The following UBR1 variants were observed in gnomAD, a reference collection of about 807,000 sequenced individuals.
UBR1 encodes the protein ubiquitin protein ligase E3 component n-recognin 1, also known as E3 ubiquitin-protein ligase UBR1.
In UBR1, 102 loss-of-function variants were observed where a neutral mutation model predicts 242.1. That is an observed-to-expected ratio of 0.42 (90% CI 0.36 to 0.50). The LOEUF is 0.50. UBR1 is among the 20% of genes least tolerant of loss of function. The pLI is 0.01. For synonymous variants in UBR1, 675 were observed against 684.8 expected, an observed-to-expected ratio of 0.99 and a Z score of 0.22; for missense variants, 1,772 against 2,101.8, an observed-to-expected ratio of 0.84 and a Z score of 3.07.
At chr15:43,006,144 T>G (rs2032826549) in intron 30 of UBR1, among the ~76,000 whole-genome samples, 1 of 148,670 alleles carries the variant, frequency 6.7e-6, no homozygotes, top group African/African-American at 2.5e-5. Context: ...AGATTGAGGA[T>G]TTCAAATTCT....
intron 13 of UBR1, 46 bp downstream of exon 13, chr15:43,048,346 T>A (rs1397132185): frequency 6.7e-7 from 1 of 1,495,074 alleles, no homozygotes; most frequent in East Asian, 2.3e-5. Flanking sequence ...CGGTTCAATT[T>A]TTAAAAATAA....
chr15:43,040,960 C>T (rs3986260), intron 15 of UBR1, among the ~76,000 whole-genome samples: 126,493 of 151,976 alleles, frequency 0.83, 53,032 homozygotes, highest in Non-Finnish European at 0.89. Context: ...CTGGAGAGGA[C>T]GTGGAGAAAT....
intron 19 of UBR1, among the ~76,000 whole-genome samples, chr15:43,033,921 T>C (rs955030205): frequency 6.6e-6 from 1 of 152,048 alleles, no homozygotes; most frequent in Non-Finnish European, 1.5e-5. Flanking sequence ...CTGGTCAACA[T>C]GGTGAAACCT....
At chr15:43,000,866 C>T (rs1483796623) in intron 32 of UBR1, among the ~76,000 whole-genome samples, 1 of 152,048 alleles carries the variant, frequency 6.6e-6, no homozygotes, top group Non-Finnish European at 1.5e-5. Context: ...CAGAGTGTAG[C>T]TCTGTCGCCC....
intron 4 of UBR1, among the ~76,000 whole-genome samples, chr15:43,071,281 T>C (rs2033821595): frequency 6.6e-6 from 1 of 152,192 alleles, no homozygotes; most frequent in South Asian, 2.1e-4. Context: ...ACAGCTTGTT[T>C]CCCCAGATCC....
chr15:43,014,286 C>G (rs1008572474), intron 29 of UBR1, among the ~76,000 whole-genome samples: 2 of 152,258 alleles, frequency 1.3e-5, no homozygotes, highest in African/African-American at 2.4e-5. Context: ...GAGATTGCAG[C>G]CTCTGCCCAG....
chr15:42,945,465 C>T lies in UBR1; in HGVS notation c.5114G>A (p.Gly1705Asp), dbSNP rs766208664. 2 of 1,613,988 alleles carry T rather than the reference C, an allele frequency of 1.2e-6. No homozygotes were observed. The highest frequency in any genetic ancestry group is 1.7e-6 in the Non-Finnish European group (2 of 1,179,988). Residue 1705 changes from glycine to aspartate, a missense_variant, in exon 47 of 47, where the codon GGC (glycine) becomes GAC (aspartate). Around this residue, in one of 3 missense-constraint regions of UBR1, gnomAD observed 965 missense variants for 1,079.7 expected, o/e 0.89. Coordinates refer to ENST00000290650, the MANE Select transcript of UBR1 (RefSeq NM_174916.3). The stretch of plus-strand genomic sequence containing the variant: ...CTCACGAGATAAATGAAGGGGGTTG[C>T]CCCTCCTTTAGGGAAAAAAGAAAAA... Reference protein sequence around the residue: ...YGETDPGLKRGNPLHLSRERY... With the variant: ...YGETDPGLKRDNPLHLSRERY...
rs191559171 is a variant in UBR1, at chr15:43,047,076, C to T, written c.1668+85G>A. Reference sequence around the variant, plus strand: ...ACTATAAATAATAAAAACTTTACATCAAGGAAGCTGCAACATAAAACTATA... The same window carrying T: ...ACTATAAATAATAAAAACTTTACATTAAGGAAGCTGCAACATAAAACTATA... On this transcript the variant is annotated intron_variant, in intron 14 of 46. Transcript: ENST00000290650. The T allele has an allele frequency of 7.4e-5, 111 of 1,508,946 alleles. No homozygotes were observed. In the East Asian group the frequency reaches 2.4e-3, roughly 32 times the overall value. The allele number at this position is 1,508,946 out of a possible 1,614,324, so 93.5% of individuals were successfully genotyped here. A position where few individuals can be genotyped will look rare whatever the true frequency, so the allele number is the denominator to read the frequency against.
chr15:43,001,362 T>G (rs1269867950), intron 32 of UBR1, among the ~76,000 whole-genome samples: 1 of 152,212 alleles, frequency 6.6e-6, no homozygotes, highest in African/African-American at 2.4e-5. Flanking sequence ...TTGGCCAGGC[T>G]GGTCTCCAAC....
In UBR1 at chr15:43,048,491, C is replaced by T; in HGVS notation, c.1440G>A (p.Lys480=). Reference sequence around the variant, plus strand: ...TTGTGGGTTTGCTGATCAGGATATACCTATCGTTTCAAGAAAGAAAGAAAT... The same window carrying T: ...TTGTGGGTTTGCTGATCAGGATATATCTATCGTTTCAAGAAAGAAAGAAAT... ...GRVYAVICDL[K]YILISKPTIW... The change falls in exon 13 of 47, where the codon AAG becomes AAA. Residue 480 remains lysine (K), a splice_region_variant and synonymous_variant. Transcript: ENST00000290650. 6.2e-7 allele frequency: 1 copy of T among 1,606,486 alleles called. No homozygotes were observed. Among genetic ancestry groups the T allele is most frequent in the Non-Finnish European group, 8.5e-7 (1 of 1,173,778 alleles).
rs571427583 is a variant in UBR1, at chr15:43,075,151, A to C, written c.418-62T>G. On this transcript the variant is annotated intron_variant, in intron 3 of 46. Transcript: ENST00000290650. ...CATTTTACTAAGCATGAAGAATGAT[A>C]AAGATGACTCAAATAATAAATGCTC... 9.5e-5 allele frequency: 116 copies of C among 1,215,826 alleles called. 3 individuals are homozygous for C. Among genetic ancestry groups the C allele is most frequent in the South Asian group, 8.9e-4 (74 of 83,006 alleles). 75.3% of individuals were successfully genotyped at this position (1,215,826 alleles called of 1,614,324 possible).
intron 29 of UBR1, among the ~76,000 whole-genome samples, chr15:43,010,618 C>A (rs946445674): frequency 1.3e-5 from 2 of 152,018 alleles, no homozygotes; most frequent in Non-Finnish European, 2.9e-5. Context: ...AGGATTTGGG[C>A]TGGTGCTCAA....
At chr15:43,031,949 G>A (rs545478689) in intron 20 of UBR1, among the ~76,000 whole-genome samples, 1 of 152,092 alleles carries the variant, frequency 6.6e-6, no homozygotes, top group Non-Finnish European at 1.5e-5. Context: ...CAGAAGAATC[G>A]CTTGAATCCA....
chr15:43,089,872 A>G (rs2034087428), intron 1 of UBR1, among the ~76,000 whole-genome samples: 1 of 152,252 alleles, frequency 6.6e-6, no homozygotes. Flanking sequence ...CATGAAAACA[A>G]GGAAAGATCA....
chr15:43,025,878 T>C (rs2033171504), intron 23 of UBR1: 1 of 160,232 alleles, frequency 6.2e-6, no homozygotes. Context: ...TATTTGGTAC[T>C]CTATAGAAAT....
At chr15:43,038,665 C>A (rs1026699865) in intron 15 of UBR1, among the ~76,000 whole-genome samples, 2 of 152,204 alleles carry the variant, frequency 1.3e-5, no homozygotes, top group South Asian at 2.1e-4. Context: ...ATCTAGAATG[C>A]AGACTGTTGA....
At chr15:43,034,427 G>A (rs1022829695) in intron 19 of UBR1, among the ~76,000 whole-genome samples, 12 of 151,860 alleles carry the variant, frequency 7.9e-5, no homozygotes, top group African/African-American at 2.9e-4. Context: ...GCGACAGAGT[G>A]AGACTCTGTC....
At chr15:43,022,649 T>C in intron 26 of UBR1, 53 bp downstream of exon 26, 1 of 1,335,516 alleles carries the variant, frequency 7.5e-7, no homozygotes, top group Non-Finnish European at 1.1e-6. Context: ...TAAAACTCCT[T>C]AAGATCTAGA....
intron 3 of UBR1, among the ~76,000 whole-genome samples, chr15:43,075,820 G>C (rs553079406): frequency 6.7e-4 from 102 of 151,932 alleles, no homozygotes; most frequent in Middle Eastern, 3.4e-3. Context: ...TCTCTACGTT[G>C]GTCAGGCTGG....
Sources: allele counts gnomAD v4.1 joint callset (sites outside exome capture counted in the v4.1 genomes callset), GRCh38; gene constraint gnomAD v4.1.1; regional missense constraint gnomAD v4.1.1; transcripts MANE v1.5; gene names NCBI Gene and HGNC (gene_info 2026-07-23, HGNC 2026-07-21).